Variants in ARHGAP28 observed in about 807,000 individuals in gnomAD.
The protein encoded by ARHGAP28 is rho GTPase-activating protein 28.
A neutral mutation model predicts 90.7 loss-of-function variants in ARHGAP28; 56 were observed. The observed-to-expected ratio is 0.62, with a 90% CI of 0.50 to 0.77. ARHGAP28 has a LOEUF of 0.77. Among genes scored for constraint, ARHGAP28 ranks in the 30% least tolerant of loss-of-function variants. ARHGAP28 has a pLI of 0.00. For synonymous variants in ARHGAP28, 308 were observed against 323.3 expected, an observed-to-expected ratio of 0.95 and a Z score of 0.51; for missense variants, 869 against 900.9, an observed-to-expected ratio of 0.96 and a Z score of 0.45.
chr18:6,862,316 C>A (rs887744667), intron 5 of ARHGAP28, among the ~76,000 whole-genome samples: 4 of 152,122 alleles, frequency 2.6e-5, no homozygotes, highest in African/African-American at 4.8e-5. Flanking sequence ...TAAAAATAAA[C>A]CTCTCCTGCC....
At chr18:6,854,236 G>A (rs183805571) in intron 4 of ARHGAP28, among the ~76,000 whole-genome samples, 104 of 151,956 alleles carry the variant, frequency 6.8e-4, no homozygotes, top group Admixed American at 5.5e-3. Flanking sequence ...TAGCGTGACC[G>A]TATGTTTTTT....
chr18:6,837,283 C>A lies in ARHGAP28; in HGVS notation c.412C>A (p.Leu138Ile), dbSNP rs751929754. ...GDEEEDGKAL[L>I]STLTRTQAAA... ...TGAAGAGGAAGATGGCAAAGCCTTG[C>A]TCTCCACATTGACTCGAACCCAAGC... The change falls in exon 3 of 18, where the codon CTC becomes ATC. Residue 138 changes from leucine (L) to isoleucine (I), a missense_variant. Transcript: ENST00000383472. The A allele has an allele frequency of 1.9e-6, 3 of 1,610,664 alleles. No homozygotes were observed. The South Asian group carries it at 3.3e-5, about 18-fold the overall frequency.
chr18:6,757,540 A>C (rs1256927653), intron 1 of ARHGAP28, among the ~76,000 whole-genome samples: 1 of 152,228 alleles, frequency 6.6e-6, no homozygotes, highest in Non-Finnish European at 1.5e-5. Flanking sequence ...TTAGAGAAAT[A>C]AAATCCATAC....
At chr18:6,735,384 A>G (rs1341332433) in intron 1 of ARHGAP28, among the ~76,000 whole-genome samples, 2 of 152,166 alleles carry the variant, frequency 1.3e-5, no homozygotes, top group East Asian at 3.9e-4. Context: ...CTGTTGTAGA[A>G]TTGAATGTGG....
In ARHGAP28 at chr18:6,865,476, A is replaced by C. The variant is rs891050920; in HGVS notation, c.727-2674A>C. Among the ~76,000 whole-genome samples, 4 of 152,200 alleles carry C rather than the reference A, an allele frequency of 2.6e-5. No individual in the cohort carries two copies. In the East Asian group the frequency reaches 5.8e-4, roughly 22 times the overall value. On this transcript the variant is annotated intron_variant, in intron 5 of 17. Coordinates refer to ENST00000383472, the MANE Select transcript of ARHGAP28 (RefSeq NM_001366230.1). ...ATTTGTCCATTCTGATCTTGGTTGC[A>C]GAACAAGAAGATGAGGAGCCTTACT... is the stretch of plus-strand genomic sequence containing the variant.
intron 2 of ARHGAP28, among the ~76,000 whole-genome samples, chr18:6,828,415 G>A (rs945275888): frequency 2.6e-5 from 4 of 151,862 alleles, no homozygotes; most frequent in Admixed American, 2.6e-4. Context: ...AGAGGAGAGA[G>A]CTCTTTAGTT....
intron 2 of ARHGAP28, among the ~76,000 whole-genome samples, chr18:6,827,545 A>AC (rs1156771895): frequency 3.8e-5 from 4 of 105,984 alleles, no homozygotes; most frequent in East Asian, 3.0e-4. Flanking sequence ...CGGGGGGCTG[A>AC]CCCCCCCACC....
chr18:6,766,746 G>T (rs530923445), intron 1 of ARHGAP28, among the ~76,000 whole-genome samples: 1 of 152,252 alleles, frequency 6.6e-6, no homozygotes, highest in Admixed American at 6.5e-5. Flanking sequence ...TGTGGCTCCT[G>T]TTTACCTTAA....
intron 9 of ARHGAP28, among the ~76,000 whole-genome samples, chr18:6,875,645 A>G (rs1177026857): frequency 6.6e-6 from 1 of 152,178 alleles, no homozygotes; most frequent in Non-Finnish European, 1.5e-5. Context: ...TACTTTTTTA[A>G]CACCTATCAC....
At chr18:6,736,762 A>C (rs1224869115) in intron 1 of ARHGAP28, among the ~76,000 whole-genome samples, 2 of 140,302 alleles carry the variant, frequency 1.4e-5, no homozygotes, top group African/African-American at 6.5e-5. Flanking sequence ...AAAAAAACAA[A>C]AAACAGAAAG....
Position 6,873,401 on chromosome 18 carries a change from T to C in ARHGAP28, c.955-8T>C. ...ATAAAAAATAAATACCTTCACTGTG[T>C]GTTTTAGAAATTTAATGTTCAGAAA... On this transcript the variant is annotated splice_region_variant and splice_polypyrimidine_tract_variant and intron_variant, in intron 7 of 17. Transcript: ENST00000383472. 6.3e-7 allele frequency: 1 copy of C among 1,598,340 alleles called. No homozygotes were observed. Among genetic ancestry groups the C allele is most frequent in the Non-Finnish European group, 8.5e-7 (1 of 1,176,102 alleles).
In ARHGAP28 at chr18:6,859,888, T is replaced by A; in HGVS notation, c.717T>A (p.Ser239Arg). The change falls in exon 5 of 18, where the codon AGT becomes AGA. Residue 239 changes from serine to arginine, a missense_variant. Coordinates refer to ENST00000383472, the MANE Select transcript of ARHGAP28 (RefSeq NM_001366230.1). Reference sequence around the variant, plus strand: ...AAGGGAGTTTTGCGGTTCCCAGGAGTGACTCTGTGGTAAGTCATCCATGTC... The same window carrying A: ...AAGGGAGTTTTGCGGTTCCCAGGAGAGACTCTGTGGTAAGTCATCCATGTC... ...DKEGSFAVPR[S>R]DSVAILETIP... 3 of 1,614,088 alleles carry A rather than the reference T, an allele frequency of 1.9e-6. No individual in the cohort carries two copies. The highest frequency in any genetic ancestry group is 2.5e-6 in the Non-Finnish European group (3 of 1,179,954).
intron 1 of ARHGAP28, among the ~76,000 whole-genome samples, chr18:6,748,441 A>G (rs1324516765): frequency 1.3e-5 from 2 of 152,170 alleles, no homozygotes. Flanking sequence ...GCCTGGCTCG[A>G]GTGACTGCTG....
chr18:6,883,862 G>A (rs1463023909), intron 11 of ARHGAP28, among the ~76,000 whole-genome samples: 1 of 151,946 alleles, frequency 6.6e-6, no homozygotes, highest in Non-Finnish European at 1.5e-5. Context: ...TAAGCTTACT[G>A]GGTTTTTTTA....
intron 6 of ARHGAP28, among the ~76,000 whole-genome samples, chr18:6,869,253 CTTTTTTTTT>C (rs61280250): frequency 7.3e-5 from 5 of 68,040 alleles, no homozygotes; most frequent in African/African-American, 2.8e-4. Flanking sequence ...TTTTGCCATT[CTTTTTTTTT>C]TTTTTTTTTT....
intron 1 of ARHGAP28, chr18:6,791,089 A>T (rs938242522): frequency 2.0e-5 from 3 of 152,140 alleles, no homozygotes; most frequent in African/African-American, 7.2e-5. Flanking sequence ...TATAAAGGGG[A>T]GTTTATAAAG....
At chr18:6,838,932 T>C (rs2143869752) in intron 3 of ARHGAP28, among the ~76,000 whole-genome samples, 1 of 152,338 alleles carries the variant, frequency 6.6e-6, no homozygotes. Flanking sequence ...CTTGCTGGTT[T>C]AAATTCTTTG....
chr18:6,750,852 CA>C (rs1241019828), intron 1 of ARHGAP28, among the ~76,000 whole-genome samples: 3 of 152,216 alleles, frequency 2.0e-5, no homozygotes, highest in Admixed American at 1.3e-4. Flanking sequence ...ATATTTAAAA[CA>C]TAGCACTTGA....
intron 1 of ARHGAP28, among the ~76,000 whole-genome samples, chr18:6,756,778 G>A (rs558520797): frequency 1.3e-5 from 2 of 152,292 alleles, no homozygotes; most frequent in South Asian, 2.1e-4. Context: ...CCACTGGTGT[G>A]AGTCCAAGAG....
Sources: gnomAD v4.1 joint callset for allele counts (sites outside exome capture counted in the v4.1 genomes callset) on GRCh38, gnomAD v4.1.1 for gene constraint, MANE v1.5 for transcripts, NCBI Gene and HGNC (gene_info 2026-07-23, HGNC 2026-07-21) for gene names.